Variants in THSD7B observed in about 807,000 individuals in gnomAD.
THSD7B encodes thrombospondin type 1 domain containing 7B.
Under a neutral mutation model 213.6 loss-of-function variants are expected in THSD7B, and 138 were observed. The ratio of observed to expected loss-of-function variants is 0.65; its 90% CI spans 0.56 to 0.74. The LOEUF is 0.74. Ranked by LOEUF, THSD7B falls within the 30% of genes least tolerant of loss-of-function variation. The pLI, the probability that THSD7B is intolerant of heterozygous loss-of-function variation, is 0.00. For synonymous variants in THSD7B, 742 were observed against 687.0 expected (o/e 1.08, Z -1.25); for missense variants, 1,931 against 1,991.5 (o/e 0.97, Z 0.58).
intron 14 of THSD7B, among the ~76,000 whole-genome samples, chr2:137,417,802 T>C (rs1208301819): frequency 1.3e-5 from 2 of 152,192 alleles, no homozygotes; most frequent in Non-Finnish European, 2.9e-5. Flanking sequence ...ACACATGTAT[T>C]AACCTATTGT....
chr2:137,228,639 C>T (rs1299796980), intron 7 of THSD7B, among the ~76,000 whole-genome samples: 2 of 152,178 alleles, frequency 1.3e-5, no homozygotes, highest in African/African-American at 4.8e-5. Flanking sequence ...CTTCCAACGC[C>T]TGAAATACCC....
chr2:137,395,653 G>C (rs1311802050), intron 12 of THSD7B, among the ~76,000 whole-genome samples: 2 of 152,062 alleles, frequency 1.3e-5, no homozygotes, highest in African/African-American at 4.8e-5. Flanking sequence ...GTCCAGCTTT[G>C]GTATCAGAAT....
chr2:136,768,624 G>C (rs1372578144), intron 1 of THSD7B, among the ~76,000 whole-genome samples: 1 of 151,986 alleles, frequency 6.6e-6, no homozygotes, highest in African/African-American at 2.4e-5. Context: ...TTAGTTGATG[G>C]GAAAAAAAGA....
intron 15 of THSD7B, among the ~76,000 whole-genome samples, chr2:137,480,039 A>C (rs1039597914): frequency 1.4e-4 from 21 of 152,204 alleles, no homozygotes; most frequent in African/African-American, 4.8e-4. Flanking sequence ...ATGGGAAGCT[A>C]TCTAGGCACC....
intron 24 of THSD7B, 101 bp from the exon 25 acceptor site, chr2:137,659,563 C>T (rs1683302993): frequency 2.0e-6 from 2 of 1,024,620 alleles, no homozygotes; most frequent in Non-Finnish European, 1.4e-6. Context: ...AATAATAATA[C>T]TGTTGCAAAG....
At chr2:137,486,065 G>T (rs1418315667) in intron 15 of THSD7B, among the ~76,000 whole-genome samples, 2 of 152,178 alleles carry the variant, frequency 1.3e-5, no homozygotes, top group African/African-American at 4.8e-5. Context: ...AGACCATGAA[G>T]GCTAGGAAGA....
At chr2:137,395,162 C>T (rs201355552) in intron 12 of THSD7B, among the ~76,000 whole-genome samples, 14,123 of 120,868 alleles carry the variant, frequency 0.12, 1,048 homozygotes, top group South Asian at 0.14. Flanking sequence ...ATTTCCTTCT[C>T]CTGCCTAATT....
intron 15 of THSD7B, among the ~76,000 whole-genome samples, chr2:137,531,243 A>G (rs1680392006): frequency 6.6e-6 from 1 of 151,988 alleles, no homozygotes; most frequent in Admixed American, 6.6e-5. Flanking sequence ...TTGGTCTTCA[A>G]GATCAGTAAA....
chr2:137,500,180 C>G (rs1314529217), intron 15 of THSD7B, among the ~76,000 whole-genome samples: 1 of 152,102 alleles, frequency 6.6e-6, no homozygotes, highest in African/African-American at 2.4e-5. Context: ...AAAATACCCA[C>G]TTTGATATAT....
At chr2:137,365,580 G>A (rs1685388454) in intron 12 of THSD7B, among the ~76,000 whole-genome samples, 1 of 152,162 alleles carries the variant, frequency 6.6e-6, no homozygotes, top group Admixed American at 6.5e-5. Context: ...AGTGGGCAAG[G>A]TATATGAACA....
intron 2 of THSD7B, among the ~76,000 whole-genome samples, chr2:136,957,899 G>GTCCTC (rs1685154405): frequency 6.6e-6 from 1 of 152,100 alleles, no homozygotes; most frequent in Middle Eastern, 3.2e-3. Flanking sequence ...TGAAAGTGAG[G>GTCCTC]ATTAATATGC....
At chr2:137,235,756 T>C (rs1325715379) in intron 9 of THSD7B, among the ~76,000 whole-genome samples, 1 of 152,220 alleles carries the variant, frequency 6.6e-6, no homozygotes, top group Non-Finnish European at 1.5e-5. Context: ...ATTATTACAG[T>C]AAATCATCTC....
At chr2:137,539,788 T>G (rs957650233) in intron 15 of THSD7B, among the ~76,000 whole-genome samples, 1 of 151,716 alleles carries the variant, frequency 6.6e-6, no homozygotes, top group Non-Finnish European at 1.5e-5. Context: ...GTGGATTGTT[T>G]GAGCTTACTC....
At chr2:137,112,560 G>A (rs1012540929) in intron 4 of THSD7B, among the ~76,000 whole-genome samples, 1 of 151,992 alleles carries the variant, frequency 6.6e-6, no homozygotes, top group African/African-American at 2.4e-5. Flanking sequence ...ATTTCTTGTA[G>A]GGTCATGTTA....
intron 15 of THSD7B, among the ~76,000 whole-genome samples, chr2:137,483,819 C>A (rs189393292): frequency 3.3e-5 from 5 of 152,130 alleles, no homozygotes; most frequent in African/African-American, 7.2e-5. Context: ...CTGGTTATAA[C>A]CTTACGAATC....
At chr2:137,565,160 G>A (rs1681208896) in intron 16 of THSD7B, among the ~76,000 whole-genome samples, 1 of 152,110 alleles carries the variant, frequency 6.6e-6, no homozygotes, top group Non-Finnish European at 1.5e-5. Flanking sequence ...CAGACTTCTA[G>A]TCTCCAGAAT....
chr2:137,248,877 A>G (rs982079031), intron 10 of THSD7B, among the ~76,000 whole-genome samples: 3 of 152,150 alleles, frequency 2.0e-5, no homozygotes, highest in Non-Finnish European at 4.4e-5. Flanking sequence ...TATCTTTTCC[A>G]AAGAGTTTTT....
intron 10 of THSD7B, among the ~76,000 whole-genome samples, chr2:137,251,477 G>A (rs937325260): frequency 2.6e-5 from 4 of 152,122 alleles, no homozygotes; most frequent in Admixed American, 1.3e-4. Flanking sequence ...TTTCCCACTC[G>A]TGCTTCAAAG....
intron 1 of THSD7B, among the ~76,000 whole-genome samples, chr2:136,782,132 A>G (rs1236235237): frequency 1.3e-5 from 2 of 152,212 alleles, no homozygotes. Context: ...CTTGGAAAAG[A>G]TCTGAAATGT....
Sources: allele counts gnomAD v4.1 joint callset (sites outside exome capture counted in the v4.1 genomes callset), GRCh38; gene constraint gnomAD v4.1.1; transcripts MANE v1.5; gene names NCBI Gene and HGNC (gene_info 2026-07-23, HGNC 2026-07-21).